PLSCR2: variants seen among roughly 807,000 people sequenced by gnomAD.
PLSCR2 encodes phospholipid scramblase 2.
In PLSCR2, 18 loss-of-function variants were observed where a neutral mutation model predicts 25.3. That is an observed-to-expected ratio of 0.71 (90% CI 0.49 to 1.06). The LOEUF (loss-of-function observed/expected upper bound fraction) is 1.06. PLSCR2 is among the 50% of genes least tolerant of loss of function. PLSCR2 has a pLI of 0.00. For missense variants in PLSCR2, 243 were observed against 269.5 expected, an observed-to-expected ratio of 0.90 and a Z score of 0.69; for synonymous variants, 88 against 87.3, an observed-to-expected ratio of 1.01 and a Z score of -0.04.
At chr3:146,453,406 A>G (rs905801082) in intron 5 of PLSCR2, among the ~76,000 whole-genome samples, 1 of 152,152 alleles carries the variant, frequency 6.6e-6, no homozygotes, top group African/African-American at 2.4e-5. Context: ...AGGCTAGGCT[A>G]TCTGTTGGAG....
chr3:146,404,774 G>T (rs925866629), intron 2 of PLSCR2, among the ~76,000 whole-genome samples: 1 of 134,828 alleles, frequency 7.4e-6, no homozygotes, highest in African/African-American at 2.7e-5. Context: ...AATAGGCATA[G>T]GACAAACATT....
At chr3:146,447,099 C>T (rs1560009343) in intron 6 of PLSCR2, among the ~76,000 whole-genome samples, 1 of 152,172 alleles carries the variant, frequency 6.6e-6, no homozygotes, top group Non-Finnish European at 1.5e-5. Context: ...AGCGGGCTCC[C>T]CCCTGGCCCA....
At chr3:146,483,317 G>A (rs1279785665) in intron 1 of PLSCR2, among the ~76,000 whole-genome samples, 2 of 148,962 alleles carry the variant, frequency 1.3e-5, no homozygotes, top group East Asian at 2.0e-4. Flanking sequence ...AGCATTAGGA[G>A]AAATACCAAA....
chr3:146,437,511 G>A (rs2039952768), downstream of PLSCR2, among the ~76,000 whole-genome samples: 1 of 152,156 alleles, frequency 6.6e-6, no homozygotes, highest in South Asian at 2.1e-4. Context: ...GAGGGTGTAT[G>A]TGTCCAGGAA....
intron 1 of PLSCR2, among the ~76,000 whole-genome samples, chr3:146,483,866 C>A (rs971982210): frequency 6.6e-6 from 1 of 151,884 alleles, no homozygotes; most frequent in African/African-American, 2.4e-5. Context: ...ATGCAAATGG[C>A]CAGAGTGCCT....
At chr3:146,477,881 T>C (rs2108517701) in intron 1 of PLSCR2, among the ~76,000 whole-genome samples, 1 of 152,230 alleles carries the variant, frequency 6.6e-6, no homozygotes, top group South Asian at 2.1e-4. Flanking sequence ...GGATGAAGCT[T>C]CCAGAGGAAG....
chr3:146,408,159 C>T (rs771269387), intron 2 of PLSCR2, among the ~76,000 whole-genome samples: 3 of 152,156 alleles, frequency 2.0e-5, no homozygotes, highest in Non-Finnish European at 4.4e-5. Flanking sequence ...ACTAGGCTTG[C>T]TGCAGCCGCT....
chr3:146,397,877 A>G (rs1018672556), intron 2 of PLSCR2, among the ~76,000 whole-genome samples: 1 of 152,026 alleles, frequency 6.6e-6, no homozygotes, highest in Non-Finnish European at 1.5e-5. Context: ...ATTAATTTGT[A>G]CTGTATTAAG....
intron 1 of PLSCR2, among the ~76,000 whole-genome samples, chr3:146,481,038 CAT>C (rs1345594342): frequency 1.3e-5 from 2 of 152,082 alleles, no homozygotes; most frequent in Non-Finnish European, 2.9e-5. Flanking sequence ...AACAGCTCCT[CAT>C]ATTAAAAACT....
intron 1 of PLSCR2, among the ~76,000 whole-genome samples, chr3:146,477,098 A>G (rs1249018785): frequency 1.3e-5 from 2 of 152,070 alleles, no homozygotes; most frequent in African/African-American, 2.4e-5. Flanking sequence ...CTTATACCAG[A>G]GTGTTGCTGG....
intron 2 of PLSCR2, among the ~76,000 whole-genome samples, chr3:146,404,970 C>T (rs2038614075): frequency 6.6e-6 from 1 of 152,076 alleles, no homozygotes; most frequent in African/African-American, 2.4e-5. Context: ...ACCCTTAAGG[C>T]CTCAGGCAAC....
chr3:146,462,070 A>G (rs1481385411), upstream of PLSCR2: 9 of 531,798 alleles, frequency 1.7e-5, no homozygotes, highest in Non-Finnish European at 1.6e-5. Flanking sequence ...AATAGTTCTG[A>G]AAGAGACCTG....
At chr3:146,409,340 G>T (rs577692375) in intron 2 of PLSCR2, among the ~76,000 whole-genome samples, 100 of 152,190 alleles carry the variant, frequency 6.6e-4, no homozygotes, top group African/African-American at 2.3e-3. Flanking sequence ...GTGGGACTGG[G>T]TGAGGGAGAC....
At chr3:146,481,267 C>T (rs141709077) in intron 1 of PLSCR2, among the ~76,000 whole-genome samples, 2,963 of 152,204 alleles carry the variant, frequency 0.019, 52 homozygotes, top group Non-Finnish European at 0.027. Flanking sequence ...AAAGGGTATT[C>T]AATTAGGAAA....
intron 1 of PLSCR2, chr3:146,494,522 ATATT>A (rs1297734846): frequency 1.3e-5 from 2 of 152,188 alleles, no homozygotes; most frequent in African/African-American, 4.8e-5. Context: ...ACCAGACAAA[ATATT>A]TAATTATGCC....
At chr3:146,420,698 A>G (rs1416112941) in intron 2 of PLSCR2, among the ~76,000 whole-genome samples, 1 of 152,110 alleles carries the variant, frequency 6.6e-6, no homozygotes. Context: ...CATGATATAA[A>G]TACTTTCTAT....
At chr3:146,423,889 C>T (rs1576595397) in intron 2 of PLSCR2, among the ~76,000 whole-genome samples, 1 of 152,072 alleles carries the variant, frequency 6.6e-6, no homozygotes, top group African/African-American at 2.4e-5. Context: ...TAATGAAACT[C>T]TTCCAATAAC....
chr3:146,458,310 C>G (rs1163938268), intron 3 of PLSCR2, 101 bp downstream of exon 3: 2 of 1,002,168 alleles, frequency 2.0e-6, no homozygotes, highest in Non-Finnish European at 2.8e-6. Flanking sequence ...GTTTTACCAT[C>G]CCACATCACT....
intron 6 of PLSCR2, among the ~76,000 whole-genome samples, chr3:146,443,733 G>GT (rs1029447588): frequency 2.0e-5 from 3 of 150,926 alleles, no homozygotes; most frequent in Non-Finnish European, 4.4e-5. Flanking sequence ...ATCTTTTTGT[G>GT]TTTTTTTATT....
Sources: gnomAD v4.1 joint callset for allele counts (sites outside exome capture counted in the v4.1 genomes callset) on GRCh38, gnomAD v4.1.1 for gene constraint, MANE v1.5 for transcripts, NCBI Gene and HGNC (gene_info 2026-07-23, HGNC 2026-07-21) for gene names.